TEKT5: variants seen among roughly 807,000 people sequenced by gnomAD.
The protein encoded by TEKT5 is tektin-5.
A neutral mutation model predicts 48.7 loss-of-function variants in TEKT5; 52 were observed. That is an observed-to-expected ratio of 1.07 (90% CI 0.86 to 1.35). TEKT5 has a LOEUF of 1.35. Among genes scored for constraint, TEKT5 ranks in the 40% most tolerant of loss-of-function variants. The pLI, the probability that TEKT5 is intolerant of heterozygous loss-of-function variation, is 0.00. For synonymous variants in TEKT5, 318 were observed against 267.6 expected, an observed-to-expected ratio of 1.19 and a Z score of -1.84; for missense variants, 831 against 641.6, an observed-to-expected ratio of 1.30 and a Z score of -3.19.
At chr16:10,659,402 T>C (rs1050441494) in intron 5 of TEKT5, among the ~76,000 whole-genome samples, 14 of 152,276 alleles carry the variant, frequency 9.2e-5, no homozygotes, top group Admixed American at 7.8e-4. Context: ...TATTTTGAGA[T>C]GGAGCCTCGC....
chr16:10,692,774 C>G (rs138666098), intron 1 of TEKT5: 40 of 152,302 alleles, frequency 2.6e-4, no homozygotes, highest in African/African-American at 9.6e-4. Context: ...TCAAGAGGCC[C>G]CTGGCATGCA....
chr16:10,669,308 A>AT (rs1388490883), intron 5 of TEKT5, among the ~76,000 whole-genome samples: 1 of 151,876 alleles, frequency 6.6e-6, no homozygotes, highest in African/African-American at 2.4e-5. Context: ...TACAAAAAAA[A>AT]AATAGCTGGG....
intron 5 of TEKT5, among the ~76,000 whole-genome samples, chr16:10,667,635 CTTTAAG>C (rs950898318): frequency 1.3e-5 from 2 of 152,196 alleles, no homozygotes. Flanking sequence ...ATTTAATCTG[CTTTAAG>C]TTTTTCTTTT....
Position 10,684,922 on chromosome 16 carries a change from A to C in TEKT5, c.720-2786T>G, listed in dbSNP as rs570805703. Among the ~76,000 whole-genome samples, 3 of 152,334 alleles carry C rather than the reference A, an allele frequency of 2.0e-5. No individual in the cohort carries two copies. In the East Asian group the frequency reaches 5.8e-4, roughly 29 times the overall value. The stretch of plus-strand genomic sequence containing the variant: ...CGGGCCTCAGGCTTCGCAGAAAACC[A>C]TGAGCCAAGAGCCTGGTGTTGGCCA... On this transcript the variant is annotated intron_variant, in intron 3 of 6. Transcript: ENST00000283025.
intron 5 of TEKT5, among the ~76,000 whole-genome samples, chr16:10,664,175 C>T (rs1165122380): frequency 1.3e-5 from 2 of 152,170 alleles, no homozygotes; most frequent in Non-Finnish European, 2.9e-5. Context: ...TGTAAGCCCC[C>T]TGAGGGCAGA....
At chr16:10,679,049 G>A (rs148026321) in intron 4 of TEKT5, among the ~76,000 whole-genome samples, 9 of 152,272 alleles carry the variant, frequency 5.9e-5, no homozygotes, top group African/African-American at 1.7e-4. Context: ...TGAGCCAATC[G>A]ATTCACCTCT....
At chr16:10,635,569 C>T (rs1440539815) in intron 6 of TEKT5, among the ~76,000 whole-genome samples, 195 bp downstream of exon 6, 1 of 152,140 alleles carries the variant, frequency 6.6e-6, no homozygotes, top group African/African-American at 2.4e-5. Context: ...GAGGAAGCCA[C>T]GCAGTGGTAC....
intron 5 of TEKT5, among the ~76,000 whole-genome samples, chr16:10,671,239 C>T (rs546286814): frequency 7.9e-5 from 12 of 152,306 alleles, no homozygotes; most frequent in African/African-American, 2.9e-4. Context: ...AAACCAGGTA[C>T]CAATAGCCAA....
At chr16:10,635,741 C>T (rs752360562) in intron 6 of TEKT5, 23 bp downstream of exon 6, 1 of 1,600,852 alleles carries the variant, frequency 6.2e-7, no homozygotes, top group Non-Finnish European at 8.5e-7. Flanking sequence ...GTTCTCCTGC[C>T]TCCTCTGGCC....
intron 5 of TEKT5, among the ~76,000 whole-genome samples, chr16:10,652,789 C>T (rs1259412227): frequency 1.5e-5 from 2 of 134,286 alleles, no homozygotes; most frequent in African/African-American, 3.0e-5. Flanking sequence ...CACACACACA[C>T]ACACACCCTC....
intron 5 of TEKT5, among the ~76,000 whole-genome samples, chr16:10,658,724 CTTTTTT>C (rs1555466067): frequency 3.4e-5 from 5 of 147,282 alleles, no homozygotes; most frequent in African/African-American, 1.3e-4. Flanking sequence ...ATTTCTTTTT[CTTTTTT>C]TTTTTGAGAC....
At chr16:10,686,813 G>A (rs1898868802) in intron 3 of TEKT5, among the ~76,000 whole-genome samples, 1 of 152,168 alleles carries the variant, frequency 6.6e-6, no homozygotes, top group South Asian at 2.1e-4. Flanking sequence ...ATTTACGATA[G>A]CCAAGATACG....
rs185462314 is a variant in TEKT5 at position 10,646,392 on chromosome 16, A to G, written c.1087-10474T>C. Among the ~76,000 whole-genome samples the G allele has an allele frequency of 4.1e-3, 624 of 152,270 alleles. 3 individuals are homozygous for G. The highest frequency in any genetic ancestry group is 5.0e-3 in the Non-Finnish European group (337 of 68,018). On this transcript the variant is annotated intron_variant, in intron 5 of 6. Coordinates refer to ENST00000283025, the MANE Select transcript of TEKT5 (RefSeq NM_144674.2). Reference sequence around the variant, plus strand: ...ATCTCGGATTTTAAGATAGGGGAAAACTGATTACACAGTAAATTGCTCCTG... The same window carrying G: ...ATCTCGGATTTTAAGATAGGGGAAAGCTGATTACACAGTAAATTGCTCCTG...
At chr16:10,656,728 G>C (rs529202204) in intron 5 of TEKT5, among the ~76,000 whole-genome samples, 2 of 152,126 alleles carry the variant, frequency 1.3e-5, no homozygotes, top group African/African-American at 4.8e-5. Context: ...ATTCAACTGG[G>C]TACATGCAAA....
intron 4 of TEKT5, among the ~76,000 whole-genome samples, chr16:10,679,762 T>C (rs1168903258): frequency 1.3e-5 from 2 of 152,066 alleles, no homozygotes; most frequent in Non-Finnish European, 2.9e-5. Context: ...CTGGGCGTGA[T>C]GGCACATGCC....
chr16:10,631,069 C>CCT (rs1555464266), intron 6 of TEKT5, among the ~76,000 whole-genome samples: 1 of 145,192 alleles, frequency 6.9e-6, no homozygotes, highest in Non-Finnish European at 1.5e-5. Flanking sequence ...TATCTATGTC[C>CCT]ATATATATAT....
chr16:10,653,242 G>A (rs1207783409), intron 5 of TEKT5, among the ~76,000 whole-genome samples: 1 of 152,198 alleles, frequency 6.6e-6, no homozygotes, highest in Admixed American at 6.5e-5. Flanking sequence ...TGCCTTCCCC[G>A]CCCAGCCCTG....
intron 1 of TEKT5, 50 bp from the exon 2 acceptor site, chr16:10,690,075 C>A (rs775380385): frequency 2.5e-6 from 4 of 1,594,358 alleles, no homozygotes; most frequent in South Asian, 2.2e-5. Flanking sequence ...TGTATGTAGA[C>A]CCTGAGCAGA....
intron 6 of TEKT5, among the ~76,000 whole-genome samples, chr16:10,632,937 G>T (rs1199832839): frequency 6.9e-6 from 1 of 145,614 alleles, no homozygotes; most frequent in African/African-American, 2.6e-5. Context: ...AACCAAACAT[G>T]CTCCACCTCC....
Sources: gnomAD v4.1 joint callset for allele counts (sites outside exome capture counted in the v4.1 genomes callset) on GRCh38, gnomAD v4.1.1 for gene constraint, MANE v1.5 for transcripts, NCBI Gene and HGNC (gene_info 2026-07-23, HGNC 2026-07-21) for gene names.